The following TBC1D16 variants were observed in gnomAD, a reference collection of about 807,000 sequenced individuals.
TBC1D16 encodes TBC1 domain family member 16, also known as CTD-2529O21.1.
A neutral mutation model predicts 74.7 loss-of-function variants in TBC1D16; 58 were observed. That is an observed-to-expected ratio of 0.78 (90% CI 0.63 to 0.97). The LOEUF (loss-of-function observed/expected upper bound fraction) is 0.97, where lower values mean the gene tolerates loss of function less well. Ranked by LOEUF, TBC1D16 falls within the 50% of genes least tolerant of loss-of-function variation. The pLI, the probability that TBC1D16 is intolerant of heterozygous loss-of-function variation, is 0.00. For synonymous variants in TBC1D16, 493 were observed against 474.7 expected (o/e 1.04, Z -0.50); for missense variants, 1,014 against 1,079.5 (o/e 0.94, Z 0.85).
rs1265320382 is a variant in TBC1D16 at position 79,947,634 on chromosome 17, CT to C, written c.1728+10del. On this transcript the variant is annotated intron_variant, in intron 9 of 11. Transcript: ENST00000310924. ...CATGCCCTTGGACGCACCCATCCCC[CT>C]GAGCCTCACCAGTTGTTTCTCCATG... is the stretch of plus-strand genomic sequence containing the variant. 6.2e-7 allele frequency: 1 copy of C among 1,613,830 alleles called. No individual in the cohort carries two copies. Among genetic ancestry groups the C allele is most frequent in the South Asian group, 1.1e-5 (1 of 91,034 alleles).
chr17:80,013,647 G>A (rs910271374), intron 1 of TBC1D16, 38 bp from the exon 2 acceptor site: 5 of 1,308,906 alleles, frequency 3.8e-6, no homozygotes, highest in Non-Finnish European at 5.1e-6. Context: ...CAAGGTTGTG[G>A]ACTTGCGTTC....
chr17:80,017,044 C>A (rs1478195640), intron 1 of TBC1D16, among the ~76,000 whole-genome samples: 1 of 152,112 alleles, frequency 6.6e-6, no homozygotes, highest in Admixed American at 6.6e-5. Context: ...TGATCTCAAC[C>A]GTCTCCAGGG....
At chr17:80,019,763 AC>A (rs2036222006) in intron 1 of TBC1D16, among the ~76,000 whole-genome samples, 1 of 149,652 alleles carries the variant, frequency 6.7e-6, no homozygotes, top group Admixed American at 6.6e-5. Context: ...TGTATTCTCT[AC>A]TATATTTTGT....
chr17:79,941,128 G>C lies in TBC1D16; in HGVS notation c.2056-21C>G. On this transcript the variant is annotated intron_variant, in intron 11 of 11. Coordinates refer to ENST00000310924, the MANE Select transcript of TBC1D16 (RefSeq NM_019020.4). This position sits in a 1 kb window ranked among gnomAD's most constrained non-coding sequence, Gnocchi z 4.3. The stretch of plus-strand genomic sequence containing the variant: ...CTCGCCTGCAGACAGAGGACGGGGG[G>C]TGAGGAGGGGCCGGGGGACAGCCTG... 6.5e-7 allele frequency: 1 copy of C among 1,544,992 alleles called. No individual in the cohort carries two copies. The highest frequency in any genetic ancestry group is 8.8e-7 in the Non-Finnish European group (1 of 1,138,072).
intron 3 of TBC1D16, among the ~76,000 whole-genome samples, chr17:79,962,504 C>A (rs1228479826): frequency 6.6e-6 from 1 of 151,872 alleles, no homozygotes; most frequent in African/African-American, 2.4e-5. Context: ...TGACCCACCA[C>A]ACCCGGCCCC....
intron 3 of TBC1D16, among the ~76,000 whole-genome samples, chr17:79,982,542 C>T (rs1033515491): frequency 1.3e-5 from 2 of 151,802 alleles, no homozygotes; most frequent in South Asian, 2.1e-4. Flanking sequence ...GTACAGGTAC[C>T]GTGCATCTCT....
intron 3 of TBC1D16, among the ~76,000 whole-genome samples, chr17:79,977,271 C>G (rs1404890140): frequency 6.6e-6 from 1 of 152,194 alleles, no homozygotes; most frequent in Admixed American, 6.5e-5. Context: ...CCAGAGACGG[C>G]CCGGTGCACA....
intron 3 of TBC1D16, among the ~76,000 whole-genome samples, chr17:79,978,110 C>T (rs867738689): frequency 6.6e-6 from 1 of 152,206 alleles, no homozygotes; most frequent in South Asian, 2.1e-4. Flanking sequence ...CGGTCGAGCT[C>T]GGGAGCGCCG....
At chr17:80,002,335 A>G (rs1479461954) in intron 3 of TBC1D16, among the ~76,000 whole-genome samples, 3 of 152,232 alleles carry the variant, frequency 2.0e-5, no homozygotes, top group East Asian at 3.9e-4. Flanking sequence ...CTCGGTCGAC[A>G]AGGAGCCTTT....
chr17:79,971,711 C>T lies in TBC1D16; in HGVS notation c.780-18893G>A, dbSNP rs1439226931. Among the ~76,000 whole-genome samples the T allele has an allele frequency of 6.6e-6, 1 of 152,128 alleles. No individual in the cohort carries two copies. Among genetic ancestry groups the T allele is most frequent in the Non-Finnish European group, 1.5e-5 (1 of 68,024 alleles). ...AAGGAAGACCTGAGGAAGCTGGTGC[C>T]CGACCCACCAGGAGACATGGACCTC... On this transcript the variant is annotated intron_variant, in intron 3 of 11. Transcript: ENST00000310924. This position sits in a 1 kb window ranked among gnomAD's most constrained non-coding sequence, Gnocchi z 4.6.
chr17:79,965,019 G>A (rs1425323053), intron 3 of TBC1D16, among the ~76,000 whole-genome samples: 1 of 152,020 alleles, frequency 6.6e-6, no homozygotes. Context: ...CGCATTAAAA[G>A]AATTTTCTAA....
In TBC1D16 at chr17:79,979,588, C is replaced by T. The variant is rs551951288; in HGVS notation, c.780-26770G>A. On this transcript the variant is annotated intron_variant, in intron 3 of 11. Transcript: ENST00000310924. The surrounding 1 kb of genome is among the most constrained non-coding windows in gnomAD (Gnocchi z 4.8). ...CTTTTAGGGGACAGAAAGACGCTCA[C>T]GGTTCCTGTCGCAGGTCCAGGTTAT... Among the ~76,000 whole-genome samples, 2 of 152,220 alleles carry T rather than the reference C, an allele frequency of 1.3e-5. No homozygotes were observed. The highest frequency in any genetic ancestry group is 4.8e-5 in the African/African-American group (2 of 41,542).
intron 1 of TBC1D16, among the ~76,000 whole-genome samples, chr17:80,017,369 T>C (rs1193934291): frequency 2.6e-5 from 4 of 152,048 alleles, no homozygotes; most frequent in Non-Finnish European, 2.9e-5. Flanking sequence ...ATTCTTTCCA[T>C]TTTTCAACCC....
At chr17:79,977,425 G>C (rs2034377082) in intron 3 of TBC1D16, among the ~76,000 whole-genome samples, 1 of 152,156 alleles carries the variant, frequency 6.6e-6, no homozygotes, top group South Asian at 2.1e-4. Flanking sequence ...CCTCCACCTG[G>C]CCCCTTCCCA....
intron 3 of TBC1D16, among the ~76,000 whole-genome samples, chr17:79,964,010 C>T (rs1436383547): frequency 1.3e-5 from 2 of 152,148 alleles, no homozygotes; most frequent in African/African-American, 4.8e-5. Flanking sequence ...GAGTCTTGCT[C>T]TGTCGTCCAG....
rs749217586 is a variant in TBC1D16, at chr17:80,013,404, C to T, written c.144G>A (p.Pro48=). 1.2e-5 allele frequency: 19 copies of T among 1,608,570 alleles called. No individual in the cohort carries two copies. The highest frequency in any genetic ancestry group is 8.9e-5 in the South Asian group (8 of 90,024). Residue 48 remains proline, a synonymous_variant, in exon 2 of 12, where the codon CCG becomes CCA. Coordinates refer to ENST00000310924, the MANE Select transcript of TBC1D16 (RefSeq NM_019020.4). Reference sequence around the variant, plus strand: ...CCCCCAGCCCCTGCAGCCCCTCCGGCGGGTGCACGCAGACATTGTTCTTGG... The same window carrying T: ...CCCCCAGCCCCTGCAGCCCCTCCGGTGGGTGCACGCAGACATTGTTCTTGG... ...IYSKNNVCVH[P]PEGLQGLGEH...
In TBC1D16 at chr17:79,949,738, T is replaced by C. The variant is rs2032886698; in HGVS notation, c.1385A>G (p.Tyr462Cys). The C allele has an allele frequency of 6.2e-7, 1 of 1,612,376 alleles. No individual in the cohort carries two copies. Among genetic ancestry groups the C allele is most frequent in the Non-Finnish European group, 8.5e-7 (1 of 1,179,396 alleles). The stretch of plus-strand genomic sequence containing the variant: ...TTACCTTTTCTGCTGGATCTCAGAG[T>C]ACTCCTTTCGCTTCTGCAGCCGCAG... ...EALRLQKRKE[Y>C]SEIQQKRLSM... is the part of the protein sequence containing the mutation. The change falls in exon 7 of 12, where the codon TAC (tyrosine) becomes TGC (cysteine). Residue 462 changes from tyrosine to cysteine, a missense_variant. Tyr to Cys is a radical substitution (Grantham distance 194). Coordinates refer to ENST00000310924, the MANE Select transcript of TBC1D16 (RefSeq NM_019020.4).
In TBC1D16 at chr17:79,947,550, C is replaced by T. The variant is rs184600573; in HGVS notation, c.1728+95G>A. ...CCACTGCCCACTGACCTACAGCAGC[C>T]AAGCCACGCATCACCACGGCAACCC... On this transcript the variant is annotated intron_variant, in intron 9 of 11. Transcript: ENST00000310924. 1.9e-4 allele frequency: 272 copies of T among 1,407,810 alleles called. 3 individuals carry two copies. The Middle Eastern group carries it at 5.1e-3, about 26-fold the overall frequency. The allele number at this position is 1,407,810 out of a possible 1,614,324, so 87.2% of individuals were successfully genotyped here.
Position 79,948,779 on chromosome 17 carries a change from A to T in TBC1D16, c.1541+93T>A, listed in dbSNP as rs892983407. On this transcript the variant is annotated intron_variant, in intron 8 of 11. Transcript: ENST00000310924. ...TATGAACCTGGAAGAGAGCCCCTGC[A>T]GAAACTCGCTGGGGGCTCATCCACT... The T allele has an allele frequency of 3.9e-6, 6 of 1,526,206 alleles. No homozygotes were observed. In the African/African-American group the frequency reaches 8.2e-5, roughly 21 times the overall value. The allele number at this position is 1,526,206 out of a possible 1,614,324, so 94.5% of individuals were successfully genotyped here. A position where few individuals can be genotyped will look rare whatever the true frequency, so the allele number is the denominator to read the frequency against.
Sources: allele counts gnomAD v4.1 joint callset (sites outside exome capture counted in the v4.1 genomes callset), GRCh38; gene constraint gnomAD v4.1.1; non-coding constraint Gnocchi (gnomAD v3.1); transcripts MANE v1.5; gene names NCBI Gene and HGNC (gene_info 2026-07-23, HGNC 2026-07-21).